STK33: variants seen among roughly 807,000 people sequenced by gnomAD.
STK33 encodes serine/threonine-protein kinase 33.
STK33 carries 52 observed loss-of-function variants against 58.0 expected under a neutral mutation model. The ratio of observed to expected loss-of-function variants is 0.90; its 90% confidence interval spans 0.72 to 1.13. STK33 has a LOEUF of 1.13. Ranked by LOEUF, STK33 falls within the 50% of genes most tolerant of loss-of-function variation. The pLI is 0.00. For synonymous variants in STK33, 215 were observed against 200.1 expected (o/e 1.07, Z -0.63); for missense variants, 630 against 604.2 (o/e 1.04, Z -0.45).
downstream of STK33, among the ~76,000 whole-genome samples, chr11:8,387,203 TCA>T (rs909837171): frequency 6.6e-6 from 1 of 152,208 alleles, no homozygotes; most frequent in African/African-American, 2.4e-5. Context: ...GTCAAAATTA[TCA>T]CTCTAGGCTC....
the STK33 span, among the ~76,000 whole-genome samples, chr11:8,338,674 G>T: frequency 6.6e-6 from 1 of 152,128 alleles, no homozygotes; most frequent in Non-Finnish European, 1.5e-5. Context: ...TGACTCCCCA[G>T]TTACTCCCTG....
chr11:8,452,335 T>G (rs1485245748), intron 11 of STK33, among the ~76,000 whole-genome samples: 1 of 152,164 alleles, frequency 6.6e-6, no homozygotes, highest in African/African-American at 2.4e-5. Context: ...ATAACAAAAT[T>G]TTTTTAAATC....
chr11:8,578,417 A>G (rs1958335310), intron 1 of STK33, among the ~76,000 whole-genome samples: 3 of 152,186 alleles, frequency 2.0e-5, no homozygotes, highest in Admixed American at 2.0e-4. Flanking sequence ...GTGGAATACT[A>G]TGCAGCAATT....
At chr11:8,511,529 T>A (rs1213469413) in intron 1 of STK33, among the ~76,000 whole-genome samples, 1 of 152,188 alleles carries the variant, frequency 6.6e-6, no homozygotes, top group African/African-American at 2.4e-5. Flanking sequence ...ACAGAAGTGG[T>A]GAAAGTGGGC....
In STK33 at chr11:8,465,336, T is replaced by TA. The variant is rs59335102; in HGVS notation, c.340-515dup. 5.7e-3 allele frequency: 821 copies of TA among 143,608 alleles called. 4 individuals are homozygous for TA. The highest frequency in any genetic ancestry group is 7.7e-3 in the African/African-American group (305 of 39,388). The allele number at this position is 143,608 out of a possible 1,614,324, so 8.9% of individuals were successfully genotyped here. A position where few individuals can be genotyped will look rare whatever the true frequency, so the allele number is the denominator to read the frequency against. On this transcript the variant is annotated intron_variant, in intron 6 of 15. Transcript: ENST00000687296. ...AAATCACTTTTGATTCCTTTTGCTT[T>TA]AAAAAAAAAAAAGCAATATGTGACA...
chr11:8,543,426 TG>T (rs568202585), intron 1 of STK33, among the ~76,000 whole-genome samples: 31 of 152,362 alleles, frequency 2.0e-4, no homozygotes, highest in African/African-American at 7.0e-4. Context: ...ATACTCATTG[TG>T]GTTCTGTAAT....
intron 1 of STK33, among the ~76,000 whole-genome samples, chr11:8,505,682 T>A (rs1468489848): frequency 6.6e-6 from 1 of 152,206 alleles, no homozygotes; most frequent in Non-Finnish European, 1.5e-5. Context: ...CCGTAAGCGC[T>A]AAGGACAGGC....
intron 1 of STK33, among the ~76,000 whole-genome samples, chr11:8,493,038 C>T (rs541685833): frequency 1.3e-5 from 2 of 152,166 alleles, no homozygotes; most frequent in African/African-American, 4.8e-5. Context: ...ATTAAAAGAA[C>T]TAGAGAAGCA....
intron 11 of STK33, among the ~76,000 whole-genome samples, chr11:8,449,331 C>T (rs1217561628): frequency 6.6e-6 from 1 of 151,656 alleles, no homozygotes; most frequent in Non-Finnish European, 1.5e-5. Context: ...GACACATGCA[C>T]ACATATGTTT....
chr11:8,357,261 C>T, the STK33 span, among the ~76,000 whole-genome samples: 3 of 152,254 alleles, frequency 2.0e-5, no homozygotes, highest in African/African-American at 7.2e-5. Flanking sequence ...ATTACACATT[C>T]TCTGCAGCTC....
chr11:8,522,618 A>G (rs1019038844), intron 1 of STK33, among the ~76,000 whole-genome samples: 1 of 152,240 alleles, frequency 6.6e-6, no homozygotes, highest in Non-Finnish European at 1.5e-5. Flanking sequence ...GATTTACTGG[A>G]TATGACACCA....
intron 1 of STK33, among the ~76,000 whole-genome samples, chr11:8,540,077 G>C (rs1331922387): frequency 6.6e-6 from 1 of 152,148 alleles, no homozygotes; most frequent in African/African-American, 2.4e-5. Flanking sequence ...CAAAAGAGAA[G>C]ACCTTTTGCT....
chr11:8,386,244 C>T, the STK33 span, among the ~76,000 whole-genome samples: 14 of 152,154 alleles, frequency 9.2e-5, no homozygotes, highest in Admixed American at 2.6e-4. Flanking sequence ...AGATTTCACA[C>T]GGGCTGGGCT....
At chr11:8,441,913 T>G (rs1001388948) in intron 11 of STK33, among the ~76,000 whole-genome samples, 1 of 152,040 alleles carries the variant, frequency 6.6e-6, no homozygotes, top group Non-Finnish European at 1.5e-5. Context: ...GAAACTAAGT[T>G]TCACATATAT....
At chr11:8,468,839 C>A (rs933950012) in intron 6 of STK33, among the ~76,000 whole-genome samples, 3 of 152,010 alleles carry the variant, frequency 2.0e-5, no homozygotes, top group African/African-American at 7.2e-5. Flanking sequence ...AGTTCCAGAC[C>A]ACCACCATAA....
chr11:8,591,059 A>G (rs1390294796), intron 1 of STK33, among the ~76,000 whole-genome samples: 1 of 152,220 alleles, frequency 6.6e-6, no homozygotes, highest in Non-Finnish European at 1.5e-5. Flanking sequence ...TTTCAGAAGG[A>G]TACTTCTTCT....
At chr11:8,572,051 ATT>A in intron 1 of STK33, among the ~76,000 whole-genome samples, 1 of 148,950 alleles carries the variant, frequency 6.7e-6, no homozygotes, top group African/African-American at 2.4e-5. Context: ...TAATTAATTA[ATT>A]AATTTTAAAA....
the STK33 span, among the ~76,000 whole-genome samples, chr11:8,377,572 G>A: frequency 6.6e-6 from 1 of 152,138 alleles, no homozygotes; most frequent in African/African-American, 2.4e-5. Context: ...GGACAAAGAT[G>A]CCCACTTTCA....
At chr11:8,562,545 T>C (rs549612013) in intron 1 of STK33, among the ~76,000 whole-genome samples, 1 of 152,282 alleles carries the variant, frequency 6.6e-6, no homozygotes, top group African/African-American at 2.4e-5. Flanking sequence ...TTTGATTTCA[T>C]CCATATTTCA....
Sources: allele counts gnomAD v4.1 joint callset (sites outside exome capture counted in the v4.1 genomes callset), GRCh38; gene constraint gnomAD v4.1.1; transcripts MANE v1.5; gene names NCBI Gene and HGNC (gene_info 2026-07-23, HGNC 2026-07-21).